The following PITPNM3 variants were observed in gnomAD, a reference collection of about 807,000 sequenced individuals.
PITPNM3 encodes membrane-associated phosphatidylinositol transfer protein 3.
In PITPNM3, 26 loss-of-function variants were observed where a neutral mutation model predicts 102.0. The ratio of observed to expected loss-of-function variants is 0.25; its 90% CI spans 0.19 to 0.35. The LOEUF is 0.35. PITPNM3 is among the 10% of genes least tolerant of loss of function. The probability of loss-of-function intolerance (pLI) is 1.00; values close to 1 mark genes in which losing one functional copy is unlikely to be tolerated. For missense variants in PITPNM3, 1,083 were observed against 1,346.1 expected (o/e 0.80, Z 3.06); for synonymous variants, 578 against 558.6 (o/e 1.03, Z -0.49).
At chr17:6,464,558 C>A in intron 15 of PITPNM3, 97 bp downstream of exon 15, 2 of 1,305,948 alleles carry the variant, frequency 1.5e-6, no homozygotes, top group East Asian at 2.3e-5. Context: ...CCAGGCAGCT[C>A]GGCCCTCTTG....
intron 10 of PITPNM3, among the ~76,000 whole-genome samples, chr17:6,473,379 T>TA (rs1474200794): frequency 6.6e-6 from 1 of 152,064 alleles, no homozygotes; most frequent in Non-Finnish European, 1.5e-5. Flanking sequence ...CCTGTCCTCC[T>TA]AGAACAGGGA....
intron 3 of PITPNM3, among the ~76,000 whole-genome samples, chr17:6,510,887 A>G (rs1428386527): frequency 6.6e-6 from 1 of 152,246 alleles, no homozygotes; most frequent in Non-Finnish European, 1.5e-5. Context: ...AGCCGGGGCA[A>G]AGGCAGGAAG....
chr17:6,478,568 A>G lies in PITPNM3; in HGVS notation c.756T>C (p.Asp252=), dbSNP rs972093482. Residue 252 remains aspartate (D), a synonymous_variant, in exon 7 of 20, where the codon GAT becomes GAC. Transcript: ENST00000262483. The surrounding 1 kb of genome is among the most constrained non-coding windows in gnomAD (Gnocchi z 4.4). ...QVYREFLKSS[D]GIGFSGQVCL... is the part of the protein sequence containing the mutation. ...CTACCTGCCCACTGAAGCCAATCCCATCAGAGGACTTCAGGAACTCTCTGT... is the reference window on the plus strand; with the variant it reads ...CTACCTGCCCACTGAAGCCAATCCCGTCAGAGGACTTCAGGAACTCTCTGT... 1.2e-5 allele frequency: 19 copies of G among 1,614,088 alleles called. No homozygotes were observed. The highest frequency in any genetic ancestry group is 1.5e-5 in the Non-Finnish European group (18 of 1,180,026).
intron 19 of PITPNM3, among the ~76,000 whole-genome samples, chr17:6,456,659 G>A (rs1283338859): frequency 1.3e-5 from 2 of 152,108 alleles, no homozygotes; most frequent in Admixed American, 6.5e-5. Context: ...GTTCCCAACT[G>A]GGAGACGCCA....
At chr17:6,536,807 C>T (rs189642112) in intron 2 of PITPNM3, among the ~76,000 whole-genome samples, 2 of 152,314 alleles carry the variant, frequency 1.3e-5, no homozygotes, top group African/African-American at 2.4e-5. Flanking sequence ...AAGCCAGCTC[C>T]GTCTCAGGAG....
At chr17:6,518,869 C>T (rs1047329333) in intron 3 of PITPNM3, among the ~76,000 whole-genome samples, 2 of 152,084 alleles carry the variant, frequency 1.3e-5, no homozygotes, top group Non-Finnish European at 2.9e-5. Flanking sequence ...AATCCTAGGG[C>T]GAGGGCCATG....
In PITPNM3 at chr17:6,457,773, G is replaced by A. The variant is rs1434504317; in HGVS notation, c.2491-51C>T. On this transcript the variant is annotated intron_variant, in intron 18 of 19. Transcript: ENST00000262483. The surrounding 1 kb of genome is among the most constrained non-coding windows in gnomAD (Gnocchi z 4.7). ...GAGAGTGAGGCCAGCCCACCCCCTG[G>A]AAAGCCTTCCCAGGCCAACCCCAGG... is the stretch of plus-strand genomic sequence containing the variant. 1.3e-6 allele frequency: 2 copies of A among 1,551,958 alleles called. No homozygotes were observed. The highest frequency in any genetic ancestry group is 1.7e-6 in the Non-Finnish European group (2 of 1,148,290).
intron 14 of PITPNM3, among the ~76,000 whole-genome samples, chr17:6,466,255 G>A (rs1178806515): frequency 6.6e-6 from 1 of 152,106 alleles, no homozygotes; most frequent in African/African-American, 2.4e-5. Context: ...CGCCATCATC[G>A]CCAAGAAACA....
chr17:6,490,055 G>T (rs1394506049), intron 4 of PITPNM3, among the ~76,000 whole-genome samples: 3 of 152,012 alleles, frequency 2.0e-5, no homozygotes, highest in African/African-American at 4.8e-5. Flanking sequence ...CCCCTGTCAA[G>T]TCCACCCTGG....
intron 17 of PITPNM3, among the ~76,000 whole-genome samples, chr17:6,462,527 C>T (rs957961058): frequency 6.6e-6 from 1 of 152,188 alleles, no homozygotes; most frequent in East Asian, 1.9e-4. Context: ...TCAAGACCCC[C>T]CTTCCTCCAG....
intron 1 of PITPNM3, among the ~76,000 whole-genome samples, chr17:6,546,743 G>A (rs1437573206): frequency 6.6e-6 from 1 of 152,230 alleles, no homozygotes; most frequent in Non-Finnish European, 1.5e-5. Flanking sequence ...GGTGGCTCAC[G>A]CCCGTAATCC....
intron 4 of PITPNM3, among the ~76,000 whole-genome samples, chr17:6,500,606 A>G (rs35877278): frequency 0.22 from 33,978 of 152,044 alleles, 3,905 homozygotes; most frequent in South Asian, 0.31. Flanking sequence ...CAACCTAGAC[A>G]ACCTCCAAGG....
intron 6 of PITPNM3, among the ~76,000 whole-genome samples, chr17:6,483,031 G>A (rs1157899876): frequency 2.0e-5 from 3 of 151,194 alleles, no homozygotes; most frequent in Non-Finnish European, 4.4e-5. Flanking sequence ...TGCAAGCTCC[G>A]CCTCCTGGGT....
intron 1 of PITPNM3, among the ~76,000 whole-genome samples, chr17:6,538,626 C>T (rs74451833): frequency 0.018 from 2,709 of 152,280 alleles, 74 homozygotes; most frequent in African/African-American, 0.061. Flanking sequence ...CACTTCTGCT[C>T]GCATTTCACT....
At chr17:6,502,881 T>G (rs1294308371) in intron 4 of PITPNM3, among the ~76,000 whole-genome samples, 2 of 152,076 alleles carry the variant, frequency 1.3e-5, no homozygotes, top group South Asian at 4.1e-4. Context: ...CGACCAGGTC[T>G]TTCCCAGGTC....
intron 4 of PITPNM3, among the ~76,000 whole-genome samples, chr17:6,493,863 C>T (rs181629325): frequency 1.2e-3 from 182 of 152,300 alleles, no homozygotes; most frequent in Non-Finnish European, 1.6e-3. Context: ...GGGGTTAGTT[C>T]GGAGGAACAG....
intron 9 of PITPNM3, 140 bp from the exon 10 acceptor site, chr17:6,474,744 G>GGCT: frequency 9.6e-7 from 1 of 1,043,652 alleles, no homozygotes; most frequent in Non-Finnish European, 1.4e-6. Context: ...AGAGTCCACC[G>GGCT]GCTGCACACC....
At chr17:6,483,479 C>G (rs1478768172) in intron 6 of PITPNM3, 38 bp downstream of exon 6, 2 of 1,581,882 alleles carry the variant, frequency 1.3e-6, no homozygotes, top group Non-Finnish European at 1.7e-6. Context: ...GTTCCCCCAC[C>G]AACCCCAACC....
In PITPNM3 at chr17:6,483,862, C is replaced by T. The variant is rs1021196431; in HGVS notation, c.352-110G>A. 19 of 965,920 alleles carry T rather than the reference C, an allele frequency of 2.0e-5. No individual in the cohort carries two copies. In the African/African-American group the frequency reaches 2.4e-4, roughly 12 times the overall value. The allele number at this position is 965,920 out of a possible 1,614,324, so 59.8% of individuals were successfully genotyped here. On this transcript the variant is annotated intron_variant, in intron 5 of 19. Transcript: ENST00000262483. ...ATACACACACACTCACACACACGCA[C>T]ACACGGGGAGACTGAGGCCAGAGAA... is the stretch of plus-strand genomic sequence containing the variant.
Sources: gnomAD v4.1 joint callset for allele counts (sites outside exome capture counted in the v4.1 genomes callset) on GRCh38, gnomAD v4.1.1 for gene constraint, Gnocchi (gnomAD v3.1) non-coding constraint, MANE v1.5 for transcripts, NCBI Gene and HGNC (gene_info 2026-07-23, HGNC 2026-07-21) for gene names.